The following LOC400499 variants were observed in gnomAD, a reference collection of about 807,000 sequenced individuals.
chr16:11,409,698 G>A, the LOC400499 span, among the ~76,000 whole-genome samples: 1 of 152,200 alleles, frequency 6.6e-6, no homozygotes, highest in Non-Finnish European at 1.5e-5. Flanking sequence ...TTAAATGAAG[G>A]TATTAATTCA....
the LOC400499 span, chr16:11,404,674 AC>A: frequency 7.5e-6 from 3 of 398,806 alleles, no homozygotes; most frequent in East Asian, 7.1e-5. Context: ...TGACTGGGCC[AC>A]CCCTGCCTGC....
At chr16:11,412,707 G>A in the LOC400499 span, 1 of 396,090 alleles carries the variant, frequency 2.5e-6, no homozygotes, top group Non-Finnish European at 4.4e-6. Context: ...TGGCCTCTCT[G>A]AGCCTCCCTG....
chr16:11,477,533 C>T, the LOC400499 span, among the ~76,000 whole-genome samples: 3 of 152,206 alleles, frequency 2.0e-5, no homozygotes, highest in Admixed American at 6.5e-5. Flanking sequence ...AAGGCTACCT[C>T]CTCTCCTCCC....
the LOC400499 span, chr16:11,461,190 G>A: frequency 1.4e-6 from 2 of 1,470,124 alleles, no homozygotes; most frequent in Non-Finnish European, 1.8e-6. Flanking sequence ...CCCAGGCAAA[G>A]AAGGGACTCA....
At chr16:11,478,442 G>A in the LOC400499 span, 3 of 398,188 alleles carry the variant, frequency 7.5e-6, no homozygotes. Context: ...ATTGGACCTT[G>A]GGCAGCCTGA....
chr16:11,451,501 G>A, the LOC400499 span, among the ~76,000 whole-genome samples: 2 of 152,230 alleles, frequency 1.3e-5, no homozygotes, highest in East Asian at 3.9e-4. Context: ...TGCAGTGGCT[G>A]TAATGGTGCA....
At chr16:11,459,292 G>T in the LOC400499 span, among the ~76,000 whole-genome samples, 1 of 150,172 alleles carries the variant, frequency 6.7e-6, no homozygotes, top group Non-Finnish European at 1.5e-5. Flanking sequence ...CGCCTCTGGG[G>T]TTCAAGCCAT....
chr16:11,500,926 A>G, the LOC400499 span: 2 of 399,126 alleles, frequency 5.0e-6, no homozygotes, highest in Non-Finnish European at 8.8e-6. Context: ...AGGCCCACAC[A>G]GTGCTCCGTC....
chr16:11,465,843 T>G, the LOC400499 span, among the ~76,000 whole-genome samples: 916 of 129,626 alleles, frequency 7.1e-3, 11 homozygotes, highest in African/African-American at 0.025. Flanking sequence ...GGGAAAGACG[T>G]GGGAAGAGGA....
the LOC400499 span, among the ~76,000 whole-genome samples, chr16:11,458,969 G>A: frequency 1.4e-3 from 208 of 151,614 alleles, 1 homozygote; most frequent in African/African-American, 4.6e-3. Context: ...CCCAGGAGGC[G>A]GAGGTTGCAG....
At chr16:11,404,866 G>C in the LOC400499 span, 2 of 398,984 alleles carry the variant, frequency 5.0e-6, no homozygotes, top group East Asian at 3.6e-5. Flanking sequence ...AGAGCGCTGA[G>C]CTGGAAGAGA....
At chr16:11,396,172 A>AT in the LOC400499 span, among the ~76,000 whole-genome samples, 1 of 152,168 alleles carries the variant, frequency 6.6e-6, no homozygotes, top group African/African-American at 2.4e-5. Flanking sequence ...AATTATACCC[A>AT]TTTTACAGGG....
chr16:11,497,056 G>C, the LOC400499 span, among the ~76,000 whole-genome samples: 7 of 151,462 alleles, frequency 4.6e-5, no homozygotes, highest in East Asian at 5.9e-4. Context: ...ACGTGATCCA[G>C]CATGTGTGTG....
chr16:11,386,587 G>C, the LOC400499 span, among the ~76,000 whole-genome samples: 1 of 152,204 alleles, frequency 6.6e-6, no homozygotes, highest in South Asian at 2.1e-4. Flanking sequence ...ATCAAGAACA[G>C]TACATGCCCA....
the LOC400499 span, chr16:11,384,377 C>G: frequency 1.5e-4 from 153 of 1,016,102 alleles, 1 homozygote; most frequent in African/African-American, 2.3e-3. Context: ...TGATCCTCCC[C>G]CAGCCCCAGC....
At chr16:11,393,296 G>A in the LOC400499 span, 20 of 1,061,218 alleles carry the variant, frequency 1.9e-5, no homozygotes, top group Admixed American at 8.6e-5. Context: ...ACCCAGCCCC[G>A]ACTTCTGAAA....
At chr16:11,387,150 A>C in the LOC400499 span, 2 of 1,232,278 alleles carry the variant, frequency 1.6e-6, no homozygotes, top group African/African-American at 3.1e-5. Flanking sequence ...CTGAGCCAGT[A>C]GTACTCAGCC....
chr16:11,399,511 G>A, the LOC400499 span: 1 of 398,756 alleles, frequency 2.5e-6, no homozygotes, highest in Non-Finnish European at 4.4e-6. Context: ...GCTGGCCCCA[G>A]GACACGTTGA....
At chr16:11,409,287 TA>T in the LOC400499 span, among the ~76,000 whole-genome samples, 1 of 151,418 alleles carries the variant, frequency 6.6e-6, no homozygotes, top group South Asian at 2.1e-4. Context: ...AATAAAAAAA[TA>T]AAAAAATAAA....
Sources: gnomAD v4.1 joint callset for allele counts (sites outside exome capture counted in the v4.1 genomes callset) on GRCh38, gnomAD v4.1.1 for gene constraint, MANE v1.5 for transcripts.